Variants in IGSF21 observed in about 807,000 individuals in gnomAD.
IGSF21 encodes the protein immunoglobin superfamily member 21, also known as immunoglobulin superfamily member 21.
In IGSF21, 28 loss-of-function variants were observed where a neutral mutation model predicts 46.8. The ratio of observed to expected loss-of-function variants is 0.60; its 90% CI spans 0.44 to 0.82. The LOEUF is 0.82. Ranked by LOEUF, IGSF21 falls within the 40% of genes least tolerant of loss-of-function variation. IGSF21 has a pLI of 0.00. For synonymous variants in IGSF21, 284 were observed against 273.6 expected (o/e 1.04, Z -0.38); for missense variants, 624 against 665.5 (o/e 0.94, Z 0.69).
intron 1 of IGSF21, chr1:18,111,448 T>A (rs894554097): frequency 6.6e-6 from 1 of 152,232 alleles, no homozygotes; most frequent in African/African-American, 2.4e-5. Flanking sequence ...AAAACCCTTT[T>A]AGAGGAAACA....
intron 3 of IGSF21, among the ~76,000 whole-genome samples, chr1:18,305,776 G>T (rs2085420026): frequency 6.6e-6 from 1 of 152,204 alleles, no homozygotes; most frequent in Non-Finnish European, 1.5e-5. Flanking sequence ...GCCTCTATTT[G>T]CAAATAACAG....
chr1:18,186,886 T>C (rs2086907828), intron 1 of IGSF21, among the ~76,000 whole-genome samples: 1 of 152,128 alleles, frequency 6.6e-6, no homozygotes, highest in Admixed American at 6.6e-5. Context: ...TGCTCACTGA[T>C]GGAGGCCTTC....
chr1:18,281,741 T>A (rs2085163311), intron 2 of IGSF21, among the ~76,000 whole-genome samples: 1 of 151,968 alleles, frequency 6.6e-6, no homozygotes, highest in Non-Finnish European at 1.5e-5. Context: ...CTGAACCCTG[T>A]CTCTAATGCT....
chr1:18,238,441 G>A (rs2084693240), intron 2 of IGSF21, among the ~76,000 whole-genome samples: 2 of 152,222 alleles, frequency 1.3e-5, no homozygotes, highest in Non-Finnish European at 2.9e-5. Context: ...ATAAGAAGCA[G>A]GGTGGTGGGG....
chr1:18,255,680 T>C (rs2084885733), intron 2 of IGSF21, among the ~76,000 whole-genome samples: 1 of 152,144 alleles, frequency 6.6e-6, no homozygotes, highest in Admixed American at 6.5e-5. Flanking sequence ...TCACACACAT[T>C]GAGAGTCATC....
intron 1 of IGSF21, among the ~76,000 whole-genome samples, chr1:18,138,586 A>G (rs573454880): frequency 6.0e-4 from 91 of 152,268 alleles, no homozygotes; most frequent in Non-Finnish European, 1.0e-3. Context: ...TCTCTCAGTG[A>G]GGGAACCGCT....
chr1:18,323,117 T>C (rs574524093), intron 3 of IGSF21, among the ~76,000 whole-genome samples: 26 of 152,336 alleles, frequency 1.7e-4, no homozygotes, highest in Non-Finnish European at 3.1e-4. Flanking sequence ...CTGGTTTTTC[T>C]TGGGGTAATT....
chr1:18,228,250 G>A (rs1225744243), intron 2 of IGSF21, among the ~76,000 whole-genome samples: 3 of 152,054 alleles, frequency 2.0e-5, no homozygotes, highest in Admixed American at 6.5e-5. Flanking sequence ...ATGCCCCTAC[G>A]CTTGGAAAAC....
At chr1:18,143,387 G>T (rs186483627) in intron 1 of IGSF21, among the ~76,000 whole-genome samples, 8 of 152,232 alleles carry the variant, frequency 5.3e-5, no homozygotes, top group African/African-American at 1.9e-4. Flanking sequence ...CCTCTAGACA[G>T]TCCCGCTGAG....
intron 3 of IGSF21, among the ~76,000 whole-genome samples, chr1:18,295,817 C>T (rs780607983): frequency 6.6e-6 from 1 of 152,198 alleles, no homozygotes; most frequent in African/African-American, 2.4e-5. Context: ...CCGGGAGCAG[C>T]CTTGACCAAT....
intron 3 of IGSF21, among the ~76,000 whole-genome samples, chr1:18,330,274 G>C (rs1452899673): frequency 6.6e-6 from 1 of 152,154 alleles, no homozygotes; most frequent in African/African-American, 2.4e-5. Flanking sequence ...GCTGTGACCT[G>C]GCAGCTGTTT....
intron 2 of IGSF21, among the ~76,000 whole-genome samples, chr1:18,273,460 CTCTCTTTCTTTCTTTCTT>C (rs1397612221): frequency 1.4e-4 from 8 of 56,412 alleles, no homozygotes; most frequent in South Asian, 5.2e-4. Context: ...CTTTCTTTCT[CTCTCTTTCTTTCTTTCTT>C]TCTTTCTTTC....
At position 18,350,121 on chromosome 1, in the gene IGSF21, G is replaced by C. The variant is rs1032348595; in HGVS notation, c.425-11994G>C. On this transcript the variant is annotated intron_variant, in intron 4 of 9. Transcript: ENST00000251296. ...GCTCCTCCAGGCTGTCATGGTCCCT[G>C]CTCACCCACTGTCCACTTGGCTTGG... Among the ~76,000 whole-genome samples the C allele has an allele frequency of 6.6e-5, 10 of 152,106 alleles. 1 individual carries two copies. The highest frequency in any genetic ancestry group is 2.4e-4 in the African/African-American group (10 of 41,414).
At chr1:18,243,273 C>T (rs2084750960) in intron 2 of IGSF21, among the ~76,000 whole-genome samples, 2 of 152,204 alleles carry the variant, frequency 1.3e-5, no homozygotes, top group South Asian at 4.1e-4. Flanking sequence ...ACCTACCCCT[C>T]CCTTAGTCTT....
At chr1:18,260,446 C>A (rs934598733) in intron 2 of IGSF21, among the ~76,000 whole-genome samples, 2 of 152,230 alleles carry the variant, frequency 1.3e-5, no homozygotes, top group Admixed American at 1.3e-4. Context: ...TCTATTGAAG[C>A]GGCAGTGCGC....
chr1:18,257,327 C>G (rs2084901731), intron 2 of IGSF21, among the ~76,000 whole-genome samples: 1 of 152,162 alleles, frequency 6.6e-6, no homozygotes, highest in South Asian at 2.1e-4. Flanking sequence ...GAAGTCAGAC[C>G]TATGGAAGGT....
intron 2 of IGSF21, among the ~76,000 whole-genome samples, chr1:18,232,898 T>C (rs1351677888): frequency 6.6e-6 from 1 of 151,832 alleles, no homozygotes; most frequent in Non-Finnish European, 1.5e-5. Context: ...GGGTGGGGAG[T>C]GTGGGTCTTT....
intron 6 of IGSF21, among the ~76,000 whole-genome samples, chr1:18,366,294 G>T (rs2086164142): frequency 6.6e-6 from 1 of 152,108 alleles, no homozygotes; most frequent in South Asian, 2.1e-4. Context: ...CAAGAGTCGG[G>T]TTTCTTCAGG....
intron 1 of IGSF21, chr1:18,110,309 C>T: frequency 6.6e-6 from 1 of 152,424 alleles, no homozygotes; most frequent in Non-Finnish European, 1.5e-5. Context: ...AGGGTGGGGT[C>T]CCTCCTTCCT....
Sources: gnomAD v4.1 joint callset for allele counts (sites outside exome capture counted in the v4.1 genomes callset) on GRCh38, gnomAD v4.1.1 for gene constraint, MANE v1.5 for transcripts, NCBI Gene and HGNC (gene_info 2026-07-23, HGNC 2026-07-21) for gene names.